Variants in OPHN1 observed in about 807,000 individuals in gnomAD.
OPHN1 encodes oligophrenin-1.
A neutral mutation model predicts 60.7 loss-of-function variants in OPHN1; 11 were observed. The observed-to-expected ratio is 0.18, with a 90% CI of 0.11 to 0.30. OPHN1 has a LOEUF of 0.30. Among genes scored for constraint, OPHN1 ranks in the 10% least tolerant of loss-of-function variants. The pLI, the probability that OPHN1 is intolerant of heterozygous loss-of-function variation, is 1.00. For missense variants in OPHN1, 449 were observed against 611.0 expected, an observed-to-expected ratio of 0.73 and a Z score of 2.80; for synonymous variants, 226 against 222.6, an observed-to-expected ratio of 1.02 and a Z score of -0.14.
chrX:68,408,252 T>C (rs1431295290), intron 2 of OPHN1, among the ~76,000 whole-genome samples: 2 of 112,463 alleles, frequency 1.8e-5, no homozygotes, highest in Non-Finnish European at 3.8e-5. Context: ...CAATGCTTTA[T>C]AGGCCTTATA....
rs141991897 is a variant in OPHN1 at position 68,127,645 on chromosome X, T to A, written c.1277-8313A>T. On this transcript the variant is annotated intron_variant, in intron 15 of 24. Transcript: ENST00000355520. ...ACACCACTGAGTCAATCTCAAATGA[T>A]CAGCTCATATCACCATTAATGGTGC... Among the ~76,000 whole-genome samples the A allele has an allele frequency of 3.6e-3, 408 of 112,059 alleles. 1 individual carries two copies. The highest frequency in any genetic ancestry group is 0.013 in the African/African-American group (392 of 30,803).
intron 2 of OPHN1, among the ~76,000 whole-genome samples, chrX:68,320,495 T>C (rs1174990106): frequency 5.4e-5 from 6 of 111,571 alleles, no homozygotes; most frequent in South Asian, 3.8e-4. Flanking sequence ...AATGTAAAAT[T>C]GTGAAACCTC....
chrX:68,298,990 T>C lies in OPHN1; in HGVS notation c.250+11A>G. The C allele has an allele frequency of 1.8e-6, 2 of 1,116,304 alleles. No individual in the cohort carries two copies. Among genetic ancestry groups the C allele is most frequent in the African/African-American group, 1.8e-5 (1 of 55,997 alleles). 92.0% of individuals were successfully genotyped at this position (1,116,304 alleles called of 1,213,427 possible). On this transcript the variant is annotated intron_variant, in intron 3 of 24. Coordinates refer to ENST00000355520, the MANE Select transcript of OPHN1 (RefSeq NM_002547.3). ...CAACAGGTATATGACCACATGTAGC[T>C]GAAGACTTACCGATGTTAATTTCAT...
intron 3 of OPHN1, among the ~76,000 whole-genome samples, chrX:68,292,898 A>G (rs1301832098): frequency 8.9e-6 from 1 of 112,172 alleles, no homozygotes; most frequent in Non-Finnish European, 1.9e-5. Context: ...CTTTCCCCAG[A>G]AAAGCTATTG....
At chrX:68,048,929 T>G (rs1056892488) in intron 23 of OPHN1, among the ~76,000 whole-genome samples, 2 of 111,698 alleles carry the variant, frequency 1.8e-5, no homozygotes, top group African/African-American at 6.5e-5. Context: ...TCTTGGCAAA[T>G]GAAACCCACT....
intron 12 of OPHN1, among the ~76,000 whole-genome samples, chrX:68,196,211 C>A (rs145746083): frequency 3.8e-4 from 42 of 111,963 alleles, no homozygotes; most frequent in African/African-American, 1.1e-3. Context: ...ACCTAGAATG[C>A]ATTTTCCCTC....
At chrX:68,386,677 T>G (rs2078625811) in intron 2 of OPHN1, among the ~76,000 whole-genome samples, 1 of 112,177 alleles carries the variant, frequency 8.9e-6, no homozygotes. Context: ...CTTTACTGTT[T>G]AGCAGTGTCT....
chrX:68,316,853 T>C (rs1387182515), intron 2 of OPHN1, among the ~76,000 whole-genome samples: 1 of 112,181 alleles, frequency 8.9e-6, no homozygotes, highest in Non-Finnish European at 1.9e-5. Flanking sequence ...ATAACATTTA[T>C]AAATTTAAGT....
intron 15 of OPHN1, among the ~76,000 whole-genome samples, chrX:68,141,920 G>T (rs1602186263): frequency 7.9e-5 from 3 of 38,012 alleles, no homozygotes; most frequent in Admixed American, 7.2e-4. Context: ...AAGAAAGAAA[G>T]AAAGAAAGAA....
At chrX:68,090,242 C>CTGTG (rs10549357) in intron 19 of OPHN1, among the ~76,000 whole-genome samples, 1,360 of 98,134 alleles carry the variant, frequency 0.014, 20 homozygotes, top group East Asian at 0.04. Context: ...GTGTGTGTGT[C>CTGTG]TGTGTGTGTG....
chrX:68,216,250 G>A (rs759455151), intron 6 of OPHN1, among the ~76,000 whole-genome samples: 2 of 110,970 alleles, frequency 1.8e-5, no homozygotes, highest in South Asian at 7.5e-4. Context: ...AATTTACATG[G>A]TAAGAGAAGA....
chrX:68,136,310 T>TTTTTTTTTTTTTTG (rs2077219642), intron 15 of OPHN1, among the ~76,000 whole-genome samples: 1 of 76,148 alleles, frequency 1.3e-5, no homozygotes, highest in Non-Finnish European at 2.6e-5. Flanking sequence ...TTTTTTTTTT[T>TTTTTTTTTTTTTTG]TTTTTGTTTT....
chrX:68,230,940 G>A (rs2077725753), intron 6 of OPHN1, among the ~76,000 whole-genome samples: 1 of 110,680 alleles, frequency 9.0e-6, no homozygotes, highest in African/African-American at 3.3e-5. Flanking sequence ...AGATATCAAC[G>A]AAATTAACAA....
At chrX:68,373,421 A>G (rs150914989) in intron 2 of OPHN1, among the ~76,000 whole-genome samples, 17 of 112,019 alleles carry the variant, frequency 1.5e-4, no homozygotes, top group Non-Finnish European at 2.8e-4. Context: ...AATCCATCAC[A>G]TATGACTTCA....
At chrX:68,254,816 C>G (rs2077853659) in intron 5 of OPHN1, among the ~76,000 whole-genome samples, 1 of 109,572 alleles carries the variant, frequency 9.1e-6, no homozygotes, top group Non-Finnish European at 1.9e-5. Flanking sequence ...CAGGAGTTCA[C>G]AACCAGCCTG....
chrX:68,084,363 GGGGAGAGGGAGGAACGGA>G (rs2076987197), intron 19 of OPHN1, among the ~76,000 whole-genome samples: 1 of 80,404 alleles, frequency 1.2e-5, no homozygotes, highest in Non-Finnish European at 2.4e-5. Flanking sequence ...GGAGGAACGG[GGGGAGAGGGAGGAACGGA>G]GGGAACGGAG....
chrX:68,266,577 C>A (rs771860491), intron 5 of OPHN1, among the ~76,000 whole-genome samples: 10 of 111,576 alleles, frequency 9.0e-5, no homozygotes, highest in South Asian at 3.8e-4. Flanking sequence ...CAAAAACATG[C>A]CAAATTGTAA....
intron 2 of OPHN1, among the ~76,000 whole-genome samples, chrX:68,416,063 TATATAGAGAGAG>T (rs1196869088): frequency 0.021 from 134 of 6,260 alleles, no homozygotes; most frequent in African/African-American, 0.038. Context: ...TATATATATA[TATATAGAGAGAG>T]AGAGAGAGAG....
intron 15 of OPHN1, among the ~76,000 whole-genome samples, chrX:68,154,205 G>C (rs1366677172): frequency 8.9e-6 from 1 of 112,084 alleles, no homozygotes; most frequent in Non-Finnish European, 1.9e-5. Context: ...TCTATGACAT[G>C]GGCACTATTA....
Sources: allele counts gnomAD v4.1 joint callset (sites outside exome capture counted in the v4.1 genomes callset), GRCh38; gene constraint gnomAD v4.1.1; transcripts MANE v1.5; gene names NCBI Gene and HGNC (gene_info 2026-07-23, HGNC 2026-07-21).